Variants in UNC13C observed in about 807,000 individuals in gnomAD.
UNC13C encodes the protein unc-13 homolog C.
UNC13C carries 174 observed loss-of-function variants against 245.4 expected under a neutral mutation model. The ratio of observed to expected loss-of-function variants is 0.71; its 90% CI spans 0.63 to 0.80. The LOEUF (loss-of-function observed/expected upper bound fraction) is 0.80. Ranked by LOEUF, UNC13C falls within the 30% of genes least tolerant of loss-of-function variation. The probability of loss-of-function intolerance (pLI) is 0.00; values close to 1 mark genes in which losing one functional copy is unlikely to be tolerated. For synonymous variants in UNC13C, 992 were observed against 895.1 expected (o/e 1.11, Z -1.93); for missense variants, 2,829 against 2,602.9 (o/e 1.09, Z -1.89).
At position 54,020,337 on chromosome 15, in the gene UNC13C, C is replaced by T. The variant is rs141524093; in HGVS notation, c.2983+4451C>T. 2.4e-3 allele frequency among the ~76,000 whole-genome samples: 351 copies of T among 149,046 alleles called. 12 individuals are homozygous for T. In the East Asian group the frequency reaches 0.063, roughly 27 times the overall value. On this transcript the variant is annotated intron_variant, in intron 2 of 32. Transcript: ENST00000260323. ...TCACCCAGACTGGAGTGCAGTGGCA[C>T]GATCTCAGCTCACTGCAACCTCCTC...
intron 32 of UNC13C, among the ~76,000 whole-genome samples, chr15:54,624,406 AATAG>A (rs1369081800): frequency 8.1e-6 from 1 of 123,336 alleles, no homozygotes; most frequent in Non-Finnish European, 1.7e-5. Context: ...AAGTGAAATA[AATAG>A]CTAGTACAAG....
intron 4 of UNC13C, among the ~76,000 whole-genome samples, chr15:54,217,777 C>T (rs2035086743): frequency 6.6e-6 from 1 of 151,790 alleles, no homozygotes; most frequent in African/African-American, 2.4e-5. Flanking sequence ...AAATTTCAGG[C>T]TCTTATCTTC....
intron 28 of UNC13C, among the ~76,000 whole-genome samples, chr15:54,550,450 T>G (rs917148332): frequency 6.6e-6 from 1 of 152,156 alleles, no homozygotes; most frequent in East Asian, 1.9e-4. Flanking sequence ...ACCTCCCACT[T>G]GCAGTTGGAG....
At chr15:54,184,073 T>A (rs2033888699) in intron 4 of UNC13C, among the ~76,000 whole-genome samples, 1 of 152,148 alleles carries the variant, frequency 6.6e-6, no homozygotes, top group African/African-American at 2.4e-5. Flanking sequence ...AAATGCAGAC[T>A]GTACATTCCC....
At chr15:54,570,649 T>C (rs986715279) in intron 30 of UNC13C, among the ~76,000 whole-genome samples, 2 of 152,210 alleles carry the variant, frequency 1.3e-5, no homozygotes, top group East Asian at 3.9e-4. Flanking sequence ...GACCATAGAC[T>C]GAGTAATAAA....
At chr15:53,897,780 A>T in the UNC13C span, among the ~76,000 whole-genome samples, 1 of 152,210 alleles carries the variant, frequency 6.6e-6, no homozygotes, top group Admixed American at 6.5e-5. Flanking sequence ...GTATTAGCAT[A>T]TTAAAAGTTC....
chr15:54,566,065 T>TC (rs1566913034), intron 29 of UNC13C, among the ~76,000 whole-genome samples: 6 of 151,860 alleles, frequency 4.0e-5, no homozygotes, highest in East Asian at 1.9e-4. Context: ...CTTTCCAGAG[T>TC]TCCCCCCCTA....
At chr15:54,623,667 G>C (rs978549612) in intron 31 of UNC13C, 128 bp from the exon 32 acceptor site, 59 of 777,158 alleles carry the variant, frequency 7.6e-5, no homozygotes, top group African/African-American at 7.0e-4. Flanking sequence ...TATTGTCTTG[G>C]AGTACAGTGT....
At chr15:54,442,584 G>C (rs1437161397) in intron 19 of UNC13C, among the ~76,000 whole-genome samples, 1 of 151,978 alleles carries the variant, frequency 6.6e-6, no homozygotes, top group Non-Finnish European at 1.5e-5. Flanking sequence ...CTGTGGGTTT[G>C]TCATGTATAG....
intron 19 of UNC13C, among the ~76,000 whole-genome samples, chr15:54,415,986 G>A (rs2040511333): frequency 6.6e-6 from 1 of 152,154 alleles, no homozygotes; most frequent in Non-Finnish European, 1.5e-5. Context: ...GCTTTTGGTA[G>A]GACAGAGCAC....
At chr15:54,108,905 T>C (rs1421377842) in intron 2 of UNC13C, among the ~76,000 whole-genome samples, 2 of 152,230 alleles carry the variant, frequency 1.3e-5, no homozygotes, top group East Asian at 1.9e-4. Context: ...GCATTCCTTG[T>C]AGTTGTTCCA....
rs1025078532 is a variant in UNC13C at position 54,261,652 on chromosome 15, C to T, written c.3449-2516C>T. The stretch of plus-strand genomic sequence containing the variant: ...CCGCCTCCCAGATTCACGCCATTCT[C>T]CTGCCTCAGCCTCTCGAGGTAGCTG... On this transcript the variant is annotated intron_variant, in intron 8 of 32. Transcript: ENST00000260323. 1.2e-4 allele frequency among the ~76,000 whole-genome samples: 18 copies of T among 152,302 alleles called. No homozygotes were observed. The South Asian group carries it at 3.7e-3, about 32-fold the overall frequency.
At chr15:53,946,673 GTTTTTTTTTTT>G in the UNC13C span, among the ~76,000 whole-genome samples, 1 of 99,274 alleles carries the variant, frequency 1.0e-5, no homozygotes, top group Non-Finnish European at 1.9e-5. Context: ...GTGAGCTGAG[GTTTTTTTTTTT>G]TTTTTTTTTT....
At chr15:53,955,768 C>A in the UNC13C span, 2 of 152,298 alleles carry the variant, frequency 1.3e-5, no homozygotes, top group Admixed American at 6.5e-5. Flanking sequence ...CAGCCACTTA[C>A]CTTCCCCATT....
intron 19 of UNC13C, among the ~76,000 whole-genome samples, chr15:54,451,212 C>T (rs954696069): frequency 6.6e-6 from 1 of 151,260 alleles, no homozygotes; most frequent in African/African-American, 2.4e-5. Flanking sequence ...GAGGAATTAC[C>T]TCAGTTTTTG....
intron 30 of UNC13C, among the ~76,000 whole-genome samples, chr15:54,582,410 G>A (rs1215845911): frequency 2.0e-5 from 3 of 152,184 alleles, no homozygotes; most frequent in East Asian, 3.9e-4. Flanking sequence ...ACTAAGATAT[G>A]AGATATAGTT....
intron 4 of UNC13C, among the ~76,000 whole-genome samples, chr15:54,149,668 C>T (rs996651823): frequency 2.6e-5 from 4 of 152,156 alleles, no homozygotes; most frequent in Non-Finnish European, 5.9e-5. Context: ...CTTTAAAGGA[C>T]GGGCCTTTCT....
rs1031503090 is a variant in UNC13C at position 54,562,642 on chromosome 15, T to C, written c.5959-5158T>C. 2.0e-5 allele frequency among the ~76,000 whole-genome samples: 3 copies of C among 152,168 alleles called. No individual in the cohort carries two copies. The South Asian group carries it at 6.2e-4, about 32-fold the overall frequency. ...AATCTGCTCTCCTGCTATGTATTGG[T>C]GCTCCTTCTGTTCTTTGGAACTACT... On this transcript the variant is annotated intron_variant, in intron 29 of 32. Transcript: ENST00000260323.
At chr15:54,404,084 A>T (rs2040243564) in intron 18 of UNC13C, among the ~76,000 whole-genome samples, 1 of 152,208 alleles carries the variant, frequency 6.6e-6, no homozygotes, top group Non-Finnish European at 1.5e-5. Context: ...ATACTAACAA[A>T]GGCTTAATAA....
Sources: gnomAD v4.1 joint callset for allele counts (sites outside exome capture counted in the v4.1 genomes callset) on GRCh38, gnomAD v4.1.1 for gene constraint, MANE v1.5 for transcripts, NCBI Gene and HGNC (gene_info 2026-07-23, HGNC 2026-07-21) for gene names.